KHDRBS2: variants seen among roughly 807,000 people sequenced by gnomAD.
The protein encoded by KHDRBS2 is KH domain-containing, RNA-binding, signal transduction-associated protein 2.
Under a neutral mutation model 44.3 loss-of-function variants are expected in KHDRBS2, and 26 were observed. The observed-to-expected ratio is 0.59, with a 90% CI of 0.43 to 0.81. KHDRBS2 has a LOEUF of 0.81. Ranked by LOEUF, KHDRBS2 falls within the 40% of genes least tolerant of loss-of-function variation. The probability of loss-of-function intolerance (pLI) is 0.00; values close to 1 mark genes in which losing one functional copy is unlikely to be tolerated. For missense variants in KHDRBS2, 476 were observed against 433.1 expected (o/e 1.10, Z -0.88); for synonymous variants, 194 against 151.1 (o/e 1.28, Z -2.08).
At chr6:61,729,363 T>G (rs1252678257) in intron 7 of KHDRBS2, among the ~76,000 whole-genome samples, 2 of 152,114 alleles carry the variant, frequency 1.3e-5, no homozygotes, top group African/African-American at 4.8e-5. Flanking sequence ...GAAAAAGAAC[T>G]GATGGTACGA....
intron 1 of KHDRBS2, among the ~76,000 whole-genome samples, chr6:62,223,151 C>G (rs1424185989): frequency 6.6e-6 from 1 of 152,220 alleles, no homozygotes; most frequent in Non-Finnish European, 1.5e-5. Flanking sequence ...GCCTGGACAT[C>G]CAAGTGTTTC....
chr6:61,842,952 T>A (rs1308266411), intron 6 of KHDRBS2, among the ~76,000 whole-genome samples: 1 of 151,864 alleles, frequency 6.6e-6, no homozygotes, highest in African/African-American at 2.4e-5. Context: ...AGATAGATAA[T>A]CTATCTGTAT....
chr6:62,132,424 C>T (rs1304486132), intron 2 of KHDRBS2, among the ~76,000 whole-genome samples: 1 of 152,166 alleles, frequency 6.6e-6, no homozygotes, highest in Non-Finnish European at 1.5e-5. Flanking sequence ...TCTTGCCTCT[C>T]CCAGCCCCAC....
At chr6:61,586,267 T>C in the KHDRBS2 span, among the ~76,000 whole-genome samples, 1 of 152,330 alleles carries the variant, frequency 6.6e-6, no homozygotes, top group East Asian at 1.9e-4. Context: ...TCAAGGAGCA[T>C]GTGTCTCCCG....
chr6:62,004,752 C>A (rs1007052922), intron 3 of KHDRBS2, among the ~76,000 whole-genome samples: 3 of 151,988 alleles, frequency 2.0e-5, no homozygotes, highest in African/African-American at 7.2e-5. Context: ...AACATTGATG[C>A]AAAAATCCTC....
At chr6:62,280,187 C>A (rs556249063) in intron 1 of KHDRBS2, among the ~76,000 whole-genome samples, 1 of 152,226 alleles carries the variant, frequency 6.6e-6, no homozygotes, top group African/African-American at 2.4e-5. Flanking sequence ...AGCAGAAAGG[C>A]TGAAGAGATG....
chr6:61,769,130 T>C (rs184815296), intron 6 of KHDRBS2, among the ~76,000 whole-genome samples: 1 of 152,186 alleles, frequency 6.6e-6, no homozygotes, highest in South Asian at 2.1e-4. Flanking sequence ...AGGCTGACGT[T>C]AAATGAAAGT....
chr6:61,624,474 G>T, the KHDRBS2 span, among the ~76,000 whole-genome samples: 3 of 152,198 alleles, frequency 2.0e-5, no homozygotes, highest in African/African-American at 4.8e-5. Context: ...ACGAGTAGGG[G>T]TAATACTTAT....
intron 7 of KHDRBS2, among the ~76,000 whole-genome samples, chr6:61,726,379 C>T (rs576102184): frequency 6.6e-6 from 1 of 152,294 alleles, no homozygotes; most frequent in Admixed American, 6.5e-5. Flanking sequence ...AGGATGCCTT[C>T]TCTCACCACT....
At chr6:61,694,426 T>A (rs1336663178) in intron 8 of KHDRBS2, among the ~76,000 whole-genome samples, 6 of 152,180 alleles carry the variant, frequency 3.9e-5, no homozygotes, top group African/African-American at 9.7e-5. Context: ...ATCATCATGT[T>A]CTCAGAGACT....
intron 6 of KHDRBS2, among the ~76,000 whole-genome samples, chr6:61,772,909 C>T (rs909933982): frequency 3.2e-4 from 49 of 151,930 alleles, no homozygotes; most frequent in East Asian, 1.2e-3. Context: ...TTTGTTCTTG[C>T]GATAGTTTAC....
At chr6:62,235,944 A>G (rs1833634991) in intron 1 of KHDRBS2, among the ~76,000 whole-genome samples, 2 of 152,132 alleles carry the variant, frequency 1.3e-5, no homozygotes, top group South Asian at 4.1e-4. Flanking sequence ...TGCCTCAAAT[A>G]CCATTTTTTA....
intron 6 of KHDRBS2, among the ~76,000 whole-genome samples, chr6:61,755,778 C>A (rs1279797219): frequency 8.5e-5 from 11 of 129,458 alleles, no homozygotes; most frequent in Admixed American, 6.2e-4. Context: ...CCAGCCTGGG[C>A]AACAGGGCAA....
chr6:61,636,306 C>A, the KHDRBS2 span, among the ~76,000 whole-genome samples: 1 of 151,970 alleles, frequency 6.6e-6, no homozygotes, highest in African/African-American at 2.4e-5. Flanking sequence ...ATTTACTAAT[C>A]ACCTCTAAAA....
At chr6:61,947,277 C>T (rs931791472) in intron 4 of KHDRBS2, among the ~76,000 whole-genome samples, 8 of 152,074 alleles carry the variant, frequency 5.3e-5, no homozygotes, top group Admixed American at 4.6e-4. Context: ...ACACAACAGT[C>T]TCTAAATAAT....
chr6:62,070,541 C>T (rs917904414), intron 2 of KHDRBS2, among the ~76,000 whole-genome samples: 6 of 151,966 alleles, frequency 3.9e-5, no homozygotes, highest in Non-Finnish European at 7.4e-5. Flanking sequence ...TTACTGTGTC[C>T]ATGTGTTCTC....
At chr6:62,125,142 A>G (rs1196945255) in intron 2 of KHDRBS2, among the ~76,000 whole-genome samples, 2 of 152,228 alleles carry the variant, frequency 1.3e-5, no homozygotes, top group Non-Finnish European at 2.9e-5. Context: ...TGAATTGCCC[A>G]TGCCATGCCT....
chr6:62,125,986 C>T (rs1808861396), intron 2 of KHDRBS2, among the ~76,000 whole-genome samples: 1 of 152,062 alleles, frequency 6.6e-6, no homozygotes, highest in Non-Finnish European at 1.5e-5. Flanking sequence ...GAGACTTTGT[C>T]TTGAAGCTTA....
chr6:62,022,912 C>G (rs1224748378), intron 3 of KHDRBS2, among the ~76,000 whole-genome samples: 1 of 151,576 alleles, frequency 6.6e-6, no homozygotes, highest in African/African-American at 2.4e-5. Flanking sequence ...TAAGAGCTCT[C>G]AGGAAACTGG....
Sources: gnomAD v4.1 joint callset for allele counts (sites outside exome capture counted in the v4.1 genomes callset) on GRCh38, gnomAD v4.1.1 for gene constraint, MANE v1.5 for transcripts, NCBI Gene and HGNC (gene_info 2026-07-23, HGNC 2026-07-21) for gene names.